The following ENTPD3 variants were observed in gnomAD, a reference collection of about 807,000 sequenced individuals.
The protein encoded by ENTPD3 is CD39 antigen-like 3.
Under a neutral mutation model 51.2 loss-of-function variants are expected in ENTPD3, and 60 were observed. The observed-to-expected ratio is 1.17, with a 90% confidence interval of 0.95 to 1.45. The LOEUF (loss-of-function observed/expected upper bound fraction) is 1.45. Among genes scored for constraint, ENTPD3 ranks in the 40% most tolerant of loss-of-function variants. ENTPD3 has a pLI of 0.00. For missense variants in ENTPD3, 593 were observed against 641.1 expected, an observed-to-expected ratio of 0.93 and a Z score of 0.81; for synonymous variants, 221 against 238.4, an observed-to-expected ratio of 0.93 and a Z score of 0.67.
chr3:40,391,528 T>C (rs1227318769), intron 2 of ENTPD3: 1 of 155,018 alleles, frequency 6.5e-6, no homozygotes, highest in African/African-American at 2.4e-5. Context: ...AATACAAAAA[T>C]TGGCTGCCGT....
rs778304820 is a variant in ENTPD3, at chr3:40,427,392, G to C, written c.1474G>C (p.Ala492Pro). 22 of 1,613,866 alleles carry C rather than the reference G, an allele frequency of 1.4e-5. No individual in the cohort carries two copies. The highest frequency in any genetic ancestry group is 1.7e-5 in the Non-Finnish European group (20 of 1,180,016). Residue 492 changes from alanine to proline, a missense_variant, in exon 11 of 11, where the codon GCT becomes CCT. Ala to Pro is a conservative substitution (Grantham distance 27). Transcript: ENST00000301825. ...ACCACCTGTCTTTGTGGGCACCCTC[G>C]CTTTCTTCACAGCGGCAGCCTTGCT... The part of the protein sequence containing the change: ...IEPPVFVGTL[A>P]FFTAAALLCL...
chr3:40,417,729 A>C (rs1955779340), intron 7 of ENTPD3, among the ~76,000 whole-genome samples: 3 of 152,112 alleles, frequency 2.0e-5, no homozygotes, highest in Admixed American at 2.0e-4. Context: ...TTGCTCATCA[A>C]AGTAGTTCAA....
At chr3:40,396,027 C>T (rs997686672) in intron 3 of ENTPD3, among the ~76,000 whole-genome samples, 5 of 152,122 alleles carry the variant, frequency 3.3e-5, no homozygotes, top group Admixed American at 6.6e-5. Flanking sequence ...TTTGGAGGAA[C>T]CAGGAGACAC....
Position 40,427,578 on chromosome 3 carries a change from T to C in ENTPD3, c.*70T>C, listed in dbSNP as rs112790581. 2.8e-3 allele frequency: 3,202 copies of C among 1,148,070 alleles called. 69 individuals are homozygous for C. In the African/African-American group the frequency reaches 0.043, roughly 15 times the overall value. 71.1% of individuals were successfully genotyped at this position (1,148,070 alleles called of 1,614,324 possible). On this transcript the variant is annotated 3_prime_UTR_variant, in exon 11 of 11. Transcript: ENST00000301825. ...CCTGGGTGGCACCAGGCAATGCAGG[T>C]GAAGTGGCTGCCTTCAGGAAATACA...
At chr3:40,413,386 A>G (rs1302743426) in intron 5 of ENTPD3, among the ~76,000 whole-genome samples, 2 of 152,216 alleles carry the variant, frequency 1.3e-5, no homozygotes, top group African/African-American at 4.8e-5. Flanking sequence ...AGTGACTACA[A>G]TCAGGGAGAA....
Position 40,411,804 on chromosome 3 carries a change from CT to C in ENTPD3, c.287-4del. On this transcript the variant is annotated splice_polypyrimidine_tract_variant and splice_region_variant and intron_variant, in intron 4 of 10. Coordinates refer to ENST00000301825, the MANE Select transcript of ENTPD3 (RefSeq NM_001248.4). ...AATGCTGACAGATGCTGACTGCTTG[CT>C]TTTCAGGCTCTGGAATCTCCAGCTA... is the stretch of plus-strand genomic sequence containing the variant. 6.4e-7 allele frequency: 1 copy of C among 1,570,750 alleles called. No homozygotes were observed. The highest frequency in any genetic ancestry group is 8.6e-7 in the Non-Finnish European group (1 of 1,158,122).
intron 4 of ENTPD3, among the ~76,000 whole-genome samples, chr3:40,409,395 T>A (rs1406267410): frequency 6.6e-6 from 1 of 152,182 alleles, no homozygotes; most frequent in Non-Finnish European, 1.5e-5. Flanking sequence ...CGGCTTATGG[T>A]GCTGTCATTT....
chr3:40,400,756 T>G, intron 3 of ENTPD3, 138 bp from the exon 4 acceptor site: 1 of 636,226 alleles, frequency 1.6e-6, no homozygotes, highest in Non-Finnish European at 2.8e-6. Flanking sequence ...TTGGAGAAAA[T>G]AATTTTTCTT....
At chr3:40,389,580 T>C (rs1955010538) in intron 2 of ENTPD3, among the ~76,000 whole-genome samples, 1 of 152,236 alleles carries the variant, frequency 6.6e-6, no homozygotes, top group African/African-American at 2.4e-5. Context: ...CCTCCATTGA[T>C]GCTGTACCAG....
intron 7 of ENTPD3, among the ~76,000 whole-genome samples, chr3:40,419,835 C>A (rs1370880956): frequency 1.3e-5 from 2 of 152,148 alleles, no homozygotes; most frequent in African/African-American, 2.4e-5. Flanking sequence ...TCAGATTATG[C>A]TGTAGTTTTC....
At chr3:40,412,019 G>C in intron 5 of ENTPD3, 57 bp downstream of exon 5, 19 of 1,481,510 alleles carry the variant, frequency 1.3e-5, no homozygotes, top group Non-Finnish European at 1.7e-5. Flanking sequence ...AGAATATGTT[G>C]AATCTTGCCA....
intron 4 of ENTPD3, among the ~76,000 whole-genome samples, chr3:40,401,280 C>T (rs944551875): frequency 5.3e-5 from 8 of 152,156 alleles, no homozygotes; most frequent in Non-Finnish European, 1.2e-4. Flanking sequence ...TGAGATTTTA[C>T]CCTGCCATAT....
intron 2 of ENTPD3, 102 bp from the exon 3 acceptor site, chr3:40,391,919 GGT>G: frequency 1.4e-5 from 18 of 1,330,724 alleles, no homozygotes; most frequent in Non-Finnish European, 1.9e-5. Flanking sequence ...CAGAGAAGGT[GGT>G]TTATGCACCT....
intron 4 of ENTPD3, among the ~76,000 whole-genome samples, chr3:40,403,057 G>GCAGC (rs1391546990): frequency 1.3e-5 from 2 of 152,144 alleles, no homozygotes; most frequent in African/African-American, 2.4e-5. Flanking sequence ...CCCAGCCCGA[G>GCAGC]CAGCCTCCTT....
At position 40,400,964 on chromosome 3, in the gene ENTPD3, A is replaced by C; in HGVS notation, c.239A>C (p.Glu80Ala). Residue 80 changes from glutamate (E) to alanine (A), a missense_variant, in exon 4 of 11, where the codon GAG becomes GCG. Transcript: ENST00000301825. ...GTGTATCAATGGCCAGCAGAAAAAGAGAATAATACCGGAGTGGTCAGTCAA... is the reference window on the plus strand; with the variant it reads ...GTGTATCAATGGCCAGCAGAAAAAGCGAATAATACCGGAGTGGTCAGTCAA... ...VYVYQWPAEK[E>A]NNTGVVSQTF... 1 of 1,613,908 alleles carries C rather than the reference A, an allele frequency of 6.2e-7. No homozygotes were observed. The highest frequency in any genetic ancestry group is 1.1e-5 in the South Asian group (1 of 91,072).
At chr3:40,410,390 G>T (rs114971937) in intron 4 of ENTPD3, among the ~76,000 whole-genome samples, 20 of 148,842 alleles carry the variant, frequency 1.3e-4, no homozygotes, top group Non-Finnish European at 2.4e-4. Flanking sequence ...GTAGTGAGCC[G>T]AGATCACACC....
At chr3:40,394,144 G>A (rs368537275) in intron 3 of ENTPD3, among the ~76,000 whole-genome samples, 7 of 150,436 alleles carry the variant, frequency 4.7e-5, no homozygotes, top group African/African-American at 7.4e-5. Context: ...AGACGGAGTC[G>A]TGCTCCGTCA....
At chr3:40,424,217 C>T in intron 10 of ENTPD3, 1 of 958,820 alleles carries the variant, frequency 1.0e-6, no homozygotes. Context: ...AGGGCAGAGA[C>T]CTGTCTTGGT....
At position 40,405,486 on chromosome 3, in the gene ENTPD3, C is replaced by CTTCATTCATGAAATGA. The variant is rs1955469864; in HGVS notation, c.286+4475_286+4476insTTCATTCATGAAATGA. On this transcript the variant is annotated intron_variant, in intron 4 of 10. Coordinates refer to ENST00000301825, the MANE Select transcript of ENTPD3 (RefSeq NM_001248.4). ...TGCCACTGCACTCCAGCCTGGGTGA[C>CTTCATTCATGAAATGA]AGAGCGAGACTTCATTTCAAAAAAA... Among the ~76,000 whole-genome samples, 4 of 148,750 alleles carry CTTCATTCATGAAATGA rather than the reference C, an allele frequency of 2.7e-5. No individual in the cohort carries two copies. In the South Asian group the frequency reaches 8.8e-4, roughly 33 times the overall value.
Sources: allele counts gnomAD v4.1 joint callset (sites outside exome capture counted in the v4.1 genomes callset), GRCh38; gene constraint gnomAD v4.1.1; transcripts MANE v1.5; gene names NCBI Gene and HGNC (gene_info 2026-07-23, HGNC 2026-07-21).